SRPK2: variants seen among roughly 807,000 people sequenced by gnomAD.
SRPK2 encodes the protein SFRS protein kinase 2.
Under a neutral mutation model 90.8 loss-of-function variants are expected in SRPK2, and 21 were observed. That is an observed-to-expected ratio of 0.23 (90% CI 0.16 to 0.33). The LOEUF (loss-of-function observed/expected upper bound fraction) is 0.33, where lower values mean the gene tolerates loss of function less well. Among genes scored for constraint, SRPK2 ranks in the 10% least tolerant of loss-of-function variants. The pLI is 1.00. For missense variants in SRPK2, 620 were observed against 869.0 expected (o/e 0.71, Z 3.60); for synonymous variants, 288 against 311.1 (o/e 0.93, Z 0.78).
At chr7:105,207,828 T>A (rs1035211340) in intron 2 of SRPK2, among the ~76,000 whole-genome samples, 2 of 152,176 alleles carry the variant, frequency 1.3e-5, no homozygotes, top group African/African-American at 4.8e-5. Context: ...ACTTTTGTAC[T>A]TCAAAGGGCA....
chr7:105,352,510 C>T (rs1817314373), intron 2 of SRPK2, among the ~76,000 whole-genome samples: 1 of 152,274 alleles, frequency 6.6e-6, no homozygotes, highest in South Asian at 2.1e-4. Flanking sequence ...CCCCACTCAA[C>T]TGCTTCCAAA....
chr7:105,330,982 C>T (rs1585739240), intron 2 of SRPK2, among the ~76,000 whole-genome samples: 2 of 151,498 alleles, frequency 1.3e-5, no homozygotes, highest in East Asian at 3.9e-4. Flanking sequence ...TGACAAAAGG[C>T]GAGACTCTGT....
At chr7:105,331,337 A>AAAAAAG (rs1554512429) in intron 2 of SRPK2, among the ~76,000 whole-genome samples, 1 of 141,830 alleles carries the variant, frequency 7.1e-6, no homozygotes, top group Admixed American at 7.0e-5. Flanking sequence ...AAAAAAAAAA[A>AAAAAAG]CAAATAGTTA....
chr7:105,206,236 C>A (rs897490725), intron 2 of SRPK2, among the ~76,000 whole-genome samples: 3 of 152,104 alleles, frequency 2.0e-5, no homozygotes, highest in African/African-American at 7.2e-5. Flanking sequence ...GGGAGTCATG[C>A]CCATTGAGAA....
At chr7:105,181,856 T>C (rs1447733161) in intron 3 of SRPK2, among the ~76,000 whole-genome samples, 1 of 142,494 alleles carries the variant, frequency 7.0e-6, no homozygotes, top group Non-Finnish European at 1.5e-5. Context: ...TGCACATACA[T>C]GTACCCCTGA....
chr7:105,117,655 T>A lies in SRPK2; in HGVS notation c.*183A>T. 1.6e-6 allele frequency: 1 copy of A among 620,516 alleles called. No individual in the cohort carries two copies. The highest frequency in any genetic ancestry group is 3.1e-5 in the Admixed American group (1 of 31,762). The allele number at this position is 620,516 out of a possible 1,614,324, so 38.4% of individuals were successfully genotyped here. Reference sequence around the variant, plus strand: ...AACTACTTAGCTGAAGACAAAAGACTACCCTTCCCCAGGATCACAGTGCAC... The same window carrying A: ...AACTACTTAGCTGAAGACAAAAGACAACCCTTCCCCAGGATCACAGTGCAC... On this transcript the variant is annotated 3_prime_UTR_variant, in exon 16 of 16. Transcript: ENST00000393651.
intron 7 of SRPK2, among the ~76,000 whole-genome samples, chr7:105,156,127 C>T (rs1003629658): frequency 2.6e-5 from 4 of 152,162 alleles, no homozygotes; most frequent in African/African-American, 7.2e-5. Context: ...AGGCCCAGTA[C>T]AATTCCAAAC....
chr7:105,397,506 AT>A (rs1300137671), intron 1 of SRPK2, among the ~76,000 whole-genome samples: 3 of 144,914 alleles, frequency 2.1e-5, no homozygotes, highest in Admixed American at 6.9e-5. Context: ...ATTTTTGTAT[AT>A]TTTTTAGAGA....
chr7:105,170,967 G>GAAAGAGAA (rs66735717), intron 3 of SRPK2, among the ~76,000 whole-genome samples: 1 of 74,458 alleles, frequency 1.3e-5, no homozygotes, highest in Non-Finnish European at 2.7e-5. Context: ...AAGAAAGAAA[G>GAAAGAGAA]AGAAAGAAAG....
At chr7:105,303,740 T>C (rs1440757136) in intron 2 of SRPK2, among the ~76,000 whole-genome samples, 2 of 152,188 alleles carry the variant, frequency 1.3e-5, no homozygotes, top group Non-Finnish European at 2.9e-5. Flanking sequence ...TAAACCTGTT[T>C]CTTCATCTAT....
chr7:105,151,169 A>T (rs939029146), intron 7 of SRPK2, among the ~76,000 whole-genome samples: 1 of 152,242 alleles, frequency 6.6e-6, no homozygotes, highest in Non-Finnish European at 1.5e-5. Context: ...AATAAACACA[A>T]GAAAAATACT....
At position 105,273,860 on chromosome 7, in the gene SRPK2, T is replaced by C. The variant is rs189547929; in HGVS notation, c.72-70075A>G. ...ACAGTCAATCTAATGTTAGTTACAA[T>C]TGAGCTACATTAATTTATTCTTAAA... On this transcript the variant is annotated intron_variant, in intron 2 of 15. Transcript: ENST00000393651. Among the ~76,000 whole-genome samples, 19 of 152,308 alleles carry C rather than the reference T, an allele frequency of 1.2e-4. No homozygotes were observed. The East Asian group carries it at 3.7e-3, about 29-fold the overall frequency.
chr7:105,334,270 T>TG (rs1367535206), intron 2 of SRPK2, among the ~76,000 whole-genome samples: 1 of 152,136 alleles, frequency 6.6e-6, no homozygotes, highest in East Asian at 1.9e-4. Flanking sequence ...TTAGTAGAGA[T>TG]GGGGTTTCAC....
chr7:105,362,163 G>A (rs577021941), intron 2 of SRPK2, among the ~76,000 whole-genome samples: 4 of 152,006 alleles, frequency 2.6e-5, no homozygotes, highest in Admixed American at 6.6e-5. Context: ...AAAAGTGGGC[G>A]AAGGATATGA....
At chr7:105,124,014 G>A (rs1168349416) in intron 15 of SRPK2, among the ~76,000 whole-genome samples, 2 of 152,230 alleles carry the variant, frequency 1.3e-5, no homozygotes, top group East Asian at 1.9e-4. Context: ...CTAAGTATAC[G>A]TGGTGATGAT....
chr7:105,288,932 C>A (rs940278686), intron 2 of SRPK2, among the ~76,000 whole-genome samples: 2 of 151,952 alleles, frequency 1.3e-5, no homozygotes, highest in Admixed American at 1.3e-4. Context: ...AATAACGAAG[C>A]TTTCAGAAAT....
intron 2 of SRPK2, among the ~76,000 whole-genome samples, chr7:105,214,882 TCAAA>T (rs1478530564): frequency 9.2e-5 from 14 of 152,046 alleles, no homozygotes; most frequent in African/African-American, 2.9e-4. Flanking sequence ...CCCAGAATAG[TCAAA>T]CAATCATGAA....
At position 105,199,602 on chromosome 7, in the gene SRPK2, C is replaced by A. The variant is rs541424789; in HGVS notation, c.229+4026G>T. On this transcript the variant is annotated intron_variant, in intron 3 of 15. Coordinates refer to ENST00000393651, the MANE Select transcript of SRPK2 (RefSeq NM_182692.3). ...ATTCATACCATACAGGGAAATCAAT[C>A]AACTAAGTCAACGCAATGAGGATGG... Among the ~76,000 whole-genome samples the A allele has an allele frequency of 2.6e-5, 4 of 152,174 alleles. No individual in the cohort carries two copies. In the East Asian group the frequency reaches 7.7e-4, roughly 29 times the overall value.
At chr7:105,199,094 T>C (rs1301449934) in intron 3 of SRPK2, among the ~76,000 whole-genome samples, 4 of 152,216 alleles carry the variant, frequency 2.6e-5, no homozygotes, top group African/African-American at 7.2e-5. Context: ...TGAGGGTTCA[T>C]ACATTTTAAA....
Sources: gnomAD v4.1 joint callset for allele counts (sites outside exome capture counted in the v4.1 genomes callset) on GRCh38, gnomAD v4.1.1 for gene constraint, MANE v1.5 for transcripts, NCBI Gene and HGNC (gene_info 2026-07-23, HGNC 2026-07-21) for gene names.